Variants in MAML3 observed in about 807,000 individuals in gnomAD.
MAML3 encodes the protein mastermind-like protein 3.
A neutral mutation model predicts 101.9 loss-of-function variants in MAML3; 27 were observed. The ratio of observed to expected loss-of-function variants is 0.27; its 90% CI spans 0.20 to 0.37. The LOEUF is 0.37. Ranked by LOEUF, MAML3 falls within the 10% of genes least tolerant of loss-of-function variation. MAML3 has a pLI of 1.00. For missense variants in MAML3, 1,316 were observed against 1,444.9 expected (o/e 0.91, Z 1.45); for synonymous variants, 501 against 555.9 (o/e 0.90, Z 1.39).
chr4:139,800,551 AGAG>A (rs1331988377), intron 2 of MAML3, among the ~76,000 whole-genome samples: 2 of 152,240 alleles, frequency 1.3e-5, no homozygotes, highest in South Asian at 2.1e-4. Context: ...GATTTTCAAA[AGAG>A]GAGGAGAACA....
intron 1 of MAML3, among the ~76,000 whole-genome samples, chr4:140,043,111 A>G (rs531454047): frequency 1.7e-4 from 26 of 152,346 alleles, no homozygotes; most frequent in African/African-American, 6.0e-4. Flanking sequence ...CAGATGCCCT[A>G]TAGCACTAAG....
intron 1 of MAML3, among the ~76,000 whole-genome samples, chr4:139,984,900 T>C (rs1734508921): frequency 6.6e-6 from 1 of 152,244 alleles, no homozygotes. Context: ...GATAAGTAAC[T>C]GAGCAGTATA....
intron 2 of MAML3, among the ~76,000 whole-genome samples, chr4:139,881,396 A>G (rs1469681180): frequency 6.6e-6 from 1 of 152,174 alleles, no homozygotes; most frequent in Non-Finnish European, 1.5e-5. Context: ...TCAGCTCCAG[A>G]AAGCCAGCAT....
chr4:140,151,012 G>A (rs1729154153), intron 1 of MAML3, among the ~76,000 whole-genome samples: 1 of 151,986 alleles, frequency 6.6e-6, no homozygotes, highest in African/African-American at 2.4e-5. Flanking sequence ...CGGGGGCATG[G>A]GGGGCGCGGC....
chr4:139,841,269 C>T (rs535732549), intron 2 of MAML3, among the ~76,000 whole-genome samples: 9 of 152,286 alleles, frequency 5.9e-5, no homozygotes, highest in South Asian at 4.1e-4. Context: ...TTTTGGGCAA[C>T]GAAGAGCCAC....
intron 2 of MAML3, among the ~76,000 whole-genome samples, chr4:139,875,096 C>A (rs1732086006): frequency 6.6e-6 from 1 of 152,196 alleles, no homozygotes; most frequent in African/African-American, 2.4e-5. Flanking sequence ...AGCCATCATG[C>A]CCAGCTGATC....
chr4:140,085,689 T>C (rs891866461), intron 1 of MAML3, among the ~76,000 whole-genome samples: 2 of 152,170 alleles, frequency 1.3e-5, no homozygotes, highest in Non-Finnish European at 2.9e-5. Flanking sequence ...GCTTTTCTTG[T>C]CTCTCACACA....
At chr4:140,070,897 G>A (rs1384489747) in intron 1 of MAML3, among the ~76,000 whole-genome samples, 1 of 152,196 alleles carries the variant, frequency 6.6e-6, no homozygotes, top group Non-Finnish European at 1.5e-5. Flanking sequence ...TCTCCAGAGG[G>A]GAACCTCCTC....
chr4:140,038,829 AG>A (rs1264303497), intron 1 of MAML3, among the ~76,000 whole-genome samples: 1 of 152,202 alleles, frequency 6.6e-6, no homozygotes, highest in Non-Finnish European at 1.5e-5. Flanking sequence ...CTGCATATAC[AG>A]GAATAATACT....
intron 1 of MAML3, among the ~76,000 whole-genome samples, chr4:140,012,207 G>A (rs893919556): frequency 2.0e-5 from 3 of 152,218 alleles, no homozygotes; most frequent in African/African-American, 4.8e-5. Context: ...AAGAATTAAT[G>A]TTGTATAGAG....
At chr4:139,914,592 A>C (rs1732994730) in intron 1 of MAML3, among the ~76,000 whole-genome samples, 1 of 152,230 alleles carries the variant, frequency 6.6e-6, no homozygotes, top group Non-Finnish European at 1.5e-5. Flanking sequence ...CTTTAAACTA[A>C]TGGCAAGGAA....
chr4:139,861,591 G>A (rs773197315), intron 2 of MAML3, among the ~76,000 whole-genome samples: 1 of 151,764 alleles, frequency 6.6e-6, no homozygotes, highest in Admixed American at 6.6e-5. Flanking sequence ...AACTCACAGA[G>A]GTTTAGTTAA....
chr4:139,772,020 A>AT, intron 2 of MAML3, among the ~76,000 whole-genome samples: 1 of 150,752 alleles, frequency 6.6e-6, no homozygotes, highest in Non-Finnish European at 1.5e-5. Flanking sequence ...TGGGCGGATC[A>AT]CGAGGTCAGC....
chr4:139,869,480 A>AAG (rs767751595), intron 2 of MAML3, among the ~76,000 whole-genome samples: 15 of 152,224 alleles, frequency 9.9e-5, no homozygotes, highest in Non-Finnish European at 2.1e-4. Flanking sequence ...TAAAGGTGAA[A>AAG]AGACCCAAGA....
intron 1 of MAML3, among the ~76,000 whole-genome samples, chr4:139,975,463 C>T (rs1406187742): frequency 6.6e-6 from 1 of 152,100 alleles, no homozygotes; most frequent in East Asian, 1.9e-4. Context: ...ACACACACAC[C>T]CCATATACCT....
At chr4:139,936,960 A>G (rs2110733858) in intron 1 of MAML3, among the ~76,000 whole-genome samples, 1 of 152,328 alleles carries the variant, frequency 6.6e-6, no homozygotes, top group Middle Eastern at 3.4e-3. Context: ...TTTGCTATAT[A>G]ATGAAAACAA....
Position 139,890,864 on chromosome 4 carries a change from C to T in MAML3, c.572G>A (p.Arg191Gln), listed in dbSNP as rs745788607. ...CDGNFSPTSK[R>Q]IRKDISAGME... ...CCCCGCAGAAATGTCCTTTCGAATT[C>T]GTTTGCTAGTCGGAGAAAAATTCCC... The change falls in exon 2 of 5, where the codon CGA becomes CAA. Residue 191 changes from arginine to glutamine, a missense_variant. By Grantham distance (43) the Arg-to-Gln change is conservative. Transcript: ENST00000509479. This position sits in a 1 kb window ranked among gnomAD's most constrained non-coding sequence, Gnocchi z 4.1. The T allele has an allele frequency of 8.7e-6, 14 of 1,613,794 alleles. No individual in the cohort carries two copies. Among genetic ancestry groups the T allele is most frequent in the East Asian group, 6.7e-5 (3 of 44,882 alleles).
intron 1 of MAML3, among the ~76,000 whole-genome samples, chr4:140,096,610 G>A (rs758127627): frequency 9.9e-5 from 15 of 152,124 alleles, no homozygotes; most frequent in African/African-American, 3.4e-4. Context: ...GAGAAGAGGC[G>A]AGGTGGCAAG....
At chr4:139,931,789 C>T (rs1157831827) in intron 1 of MAML3, among the ~76,000 whole-genome samples, 1 of 151,866 alleles carries the variant, frequency 6.6e-6, no homozygotes, top group Non-Finnish European at 1.5e-5. Flanking sequence ...ACGGGCGGGT[C>T]ACCTGAGGTC....
Sources: allele counts gnomAD v4.1 joint callset (sites outside exome capture counted in the v4.1 genomes callset), GRCh38; gene constraint gnomAD v4.1.1; non-coding constraint Gnocchi (gnomAD v3.1); transcripts MANE v1.5; gene names NCBI Gene and HGNC (gene_info 2026-07-23, HGNC 2026-07-21).